The following DOCK2 variants were observed in gnomAD, a reference collection of about 807,000 sequenced individuals.
DOCK2 encodes the protein dedicator of cytokinesis protein 2.
In DOCK2, 87 loss-of-function variants were observed where a neutral mutation model predicts 248.9. That is an observed-to-expected ratio of 0.35 (90% CI 0.29 to 0.42). DOCK2 has a LOEUF of 0.42. Among genes scored for constraint, DOCK2 ranks in the 10% least tolerant of loss-of-function variants. The pLI is 1.00. For missense variants in DOCK2, 1,747 were observed against 2,300.2 expected (o/e 0.76, Z 4.92); for synonymous variants, 805 against 821.6 (o/e 0.98, Z 0.35).
In DOCK2 at chr5:169,716,193, AC is replaced by A. The variant is rs1175584354; in HGVS notation, c.1942-18del. ...TTTGTCTTGTTTCTGAAGTAGTGCA[AC>A]CTTTGTTATTTCTTCCAGTTTCTCC... On this transcript the variant is annotated intron_variant, in intron 19 of 51. Coordinates refer to ENST00000520908, the MANE Select transcript of DOCK2 (RefSeq NM_004946.3). 1 of 1,611,426 alleles carries A rather than the reference AC, an allele frequency of 6.2e-7. No homozygotes were observed. The highest frequency in any genetic ancestry group is 1.7e-5 in the Admixed American group (1 of 59,956).
intron 25 of DOCK2, among the ~76,000 whole-genome samples, chr5:169,801,100 G>C (rs1275181068): frequency 7.0e-6 from 1 of 142,286 alleles, no homozygotes. Flanking sequence ...AGCCTCCTGA[G>C]TCGCTGGGAT....
At position 170,042,123 on chromosome 5, in the gene DOCK2, C is replaced by T; in HGVS notation, c.3867C>T (p.Asp1289=). The T allele has an allele frequency of 6.2e-7, 1 of 1,611,592 alleles. No individual in the cohort carries two copies. The highest frequency in any genetic ancestry group is 8.5e-7 in the Non-Finnish European group (1 of 1,178,584). ...ACGAGACCATCATAGGCTACTTTGA[C>T]AAAGGAAAGGTAATCTGTCCCTGCC... ...TLYETIIGYF[D]KGKMWEEAIS... Residue 1289 remains aspartate (D), a synonymous_variant, in exon 38 of 52, where the codon GAC becomes GAT. Transcript: ENST00000520908.
chr5:169,828,258 A>T (rs1769000944), intron 26 of DOCK2, among the ~76,000 whole-genome samples: 2 of 152,210 alleles, frequency 1.3e-5, no homozygotes, highest in Non-Finnish European at 2.9e-5. Flanking sequence ...AAAGGAAAAG[A>T]GGTTCAAGGG....
At position 169,712,100 on chromosome 5, in the gene DOCK2, C is replaced by T. The variant is rs374065196; in HGVS notation, c.1556-20C>T. ...GCCCATGTATCATTTTCTTTCCTGA[C>T]CCCACAATGCTATTTCCAGCTAAAG... On this transcript the variant is annotated intron_variant, in intron 16 of 51. Coordinates refer to ENST00000520908, the MANE Select transcript of DOCK2 (RefSeq NM_004946.3). The T allele has an allele frequency of 1.1e-5, 17 of 1,613,866 alleles. No homozygotes were observed. The African/African-American group carries it at 2.0e-4, about 19-fold the overall frequency.
intron 27 of DOCK2, chr5:169,934,522 A>G (rs1432396364): frequency 5.0e-6 from 2 of 402,448 alleles, no homozygotes; most frequent in Non-Finnish European, 1.0e-5. Context: ...CAGCACCCAC[A>G]TTTCTTCCAG....
intron 27 of DOCK2, among the ~76,000 whole-genome samples, chr5:169,910,029 T>G (rs1181385188): frequency 6.6e-6 from 1 of 152,186 alleles, no homozygotes; most frequent in African/African-American, 2.4e-5. Context: ...CTCTCAGCCA[T>G]TGGAACAAAT....
rs113208971 is a variant in DOCK2, at chr5:169,812,139, G to A, written c.2703+8933G>A. Among the ~76,000 whole-genome samples, 745 of 152,304 alleles carry A rather than the reference G, an allele frequency of 4.9e-3. 3 individuals carry two copies. The highest frequency in any genetic ancestry group is 7.9e-3 in the Non-Finnish European group (538 of 68,022). On this transcript the variant is annotated intron_variant, in intron 26 of 51. Transcript: ENST00000520908. The stretch of plus-strand genomic sequence containing the variant: ...GCTTCACAGCAGGAGGTGAGCAGCT[G>A]GAGAGCGAGTAAAACTTCATCTGTA...
chr5:169,888,791 C>T (rs1354270538), intron 27 of DOCK2, among the ~76,000 whole-genome samples: 1 of 152,172 alleles, frequency 6.6e-6, no homozygotes, highest in Non-Finnish European at 1.5e-5. Flanking sequence ...AGTCAGTGTT[C>T]ACTCTTCAGA....
intron 22 of DOCK2, among the ~76,000 whole-genome samples, chr5:169,745,962 G>A (rs1763591859): frequency 6.6e-6 from 1 of 152,120 alleles, no homozygotes; most frequent in Non-Finnish European, 1.5e-5. Context: ...AGGAGCCCTA[G>A]GCACGTAGCC....
chr5:169,708,689 T>C (rs922453470), intron 15 of DOCK2, among the ~76,000 whole-genome samples: 5 of 151,876 alleles, frequency 3.3e-5, no homozygotes, highest in African/African-American at 1.2e-4. Context: ...CTCAGCCCCC[T>C]GAGTAGTTGG....
intron 32 of DOCK2, among the ~76,000 whole-genome samples, chr5:170,018,723 C>T (rs189243996): frequency 3.1e-4 from 47 of 152,294 alleles, no homozygotes; most frequent in African/African-American, 9.4e-4. Flanking sequence ...TCTACACGCA[C>T]GCCCGTGTTA....
At chr5:169,803,451 G>T (rs1232927105) in intron 26 of DOCK2, among the ~76,000 whole-genome samples, 3 of 152,164 alleles carry the variant, frequency 2.0e-5, no homozygotes, top group African/African-American at 7.2e-5. Flanking sequence ...CAGAATGTGG[G>T]TATAGACATT....
chr5:170,046,401 G>A (rs1376131064), intron 39 of DOCK2, among the ~76,000 whole-genome samples: 1 of 152,186 alleles, frequency 6.6e-6, no homozygotes, highest in Non-Finnish European at 1.5e-5. Context: ...GCAGAAGCCT[G>A]GGTTTGGCGG....
At chr5:169,830,482 C>T (rs1022222401) in intron 26 of DOCK2, among the ~76,000 whole-genome samples, 5 of 152,124 alleles carry the variant, frequency 3.3e-5, no homozygotes, top group Non-Finnish European at 7.4e-5. Flanking sequence ...TGTTTTTTAT[C>T]TATTTTTTTG....
intron 27 of DOCK2, among the ~76,000 whole-genome samples, chr5:169,873,482 C>G (rs2113467538): frequency 6.6e-6 from 1 of 152,316 alleles, no homozygotes. Flanking sequence ...GCAAATGCAT[C>G]TGTGATTACT....
chr5:170,050,481 CT>C, intron 41 of DOCK2, 84 bp downstream of exon 41: 1 of 1,480,612 alleles, frequency 6.8e-7, no homozygotes, highest in Non-Finnish European at 9.1e-7. Context: ...CACCTTAGAG[CT>C]CAGGGCTGCT....
chr5:169,870,405 C>G (rs188928807), intron 27 of DOCK2, among the ~76,000 whole-genome samples: 1 of 152,186 alleles, frequency 6.6e-6, no homozygotes, highest in East Asian at 1.9e-4. Context: ...AATAGATAAG[C>G]TCATGAGCAA....
intron 22 of DOCK2, among the ~76,000 whole-genome samples, chr5:169,728,377 T>C (rs1762598730): frequency 6.6e-6 from 1 of 152,052 alleles, no homozygotes; most frequent in Non-Finnish European, 1.5e-5. Flanking sequence ...AGGTGAGTAA[T>C]ACTATAAAAC....
At position 169,803,159 on chromosome 5, in the gene DOCK2, G is replaced by C. The variant is rs199862297; in HGVS notation, c.2656G>C (p.Val886Leu). 1 of 1,614,006 alleles carries C rather than the reference G, an allele frequency of 6.2e-7. No individual in the cohort carries two copies. The highest frequency in any genetic ancestry group is 1.3e-5 in the African/African-American group (1 of 74,904). The change falls in exon 26 of 52, where the codon GTT becomes CTT. Residue 886 changes from valine (V) to leucine (L), a missense_variant. Val to Leu is a conservative substitution (Grantham distance 32, BLOSUM62 1). This residue lies in a region of DOCK2 where 858 missense variants were observed against 1,183.5 expected (regional missense o/e 0.72). Transcript: ENST00000520908. Reference sequence around the variant, plus strand: ...CCAGGTCCTGGAGAGGAAGTACTGCGTTGAATTGCTCAACAGCATCTTGGA... The same window carrying C: ...CCAGGTCCTGGAGAGGAAGTACTGCCTTGAATTGCTCAACAGCATCTTGGA... ...QHQVLERKYC[V>L]ELLNSILEVL...
Sources: gnomAD v4.1 joint callset for allele counts (sites outside exome capture counted in the v4.1 genomes callset) on GRCh38, gnomAD v4.1.1 for gene constraint, gnomAD v4.1.1 regional missense constraint, MANE v1.5 for transcripts, NCBI Gene and HGNC (gene_info 2026-07-23, HGNC 2026-07-21) for gene names.